The following WASL variants were observed in gnomAD, a reference collection of about 807,000 sequenced individuals.
The protein encoded by WASL is actin nucleation-promoting factor WASL.
WASL carries 20 observed loss-of-function variants against 55.5 expected under a neutral mutation model. That is an observed-to-expected ratio of 0.36 (90% CI 0.25 to 0.52). The LOEUF (loss-of-function observed/expected upper bound fraction) is 0.52. WASL is among the 20% of genes least tolerant of loss of function. The pLI, the probability that WASL is intolerant of heterozygous loss-of-function variation, is 0.92. For missense variants in WASL, 504 were observed against 622.5 expected (o/e 0.81, Z 2.03); for synonymous variants, 249 against 217.6 (o/e 1.14, Z -1.27).
At chr7:123,706,417 A>G (rs1803670022) in intron 3 of WASL, 44 bp from the exon 4 acceptor site, 1 of 1,536,512 alleles carries the variant, frequency 6.5e-7, no homozygotes, top group South Asian at 1.1e-5. Flanking sequence ...GAATGTATGA[A>G]TTTAGCTTTA....
chr7:123,731,633 T>C (rs1420125023), intron 1 of WASL, among the ~76,000 whole-genome samples: 6 of 152,150 alleles, frequency 3.9e-5, no homozygotes, highest in Non-Finnish European at 8.8e-5. Context: ...GGAATGAAAC[T>C]ATAAATCAGT....
chr7:123,719,119 C>T (rs1048969498), intron 1 of WASL, among the ~76,000 whole-genome samples: 1 of 152,154 alleles, frequency 6.6e-6, no homozygotes, highest in African/African-American at 2.4e-5. Context: ...CTCATCTGAC[C>T]TGGTTTATGA....
At position 123,692,877 on chromosome 7, in the gene WASL, A is replaced by C. The variant is rs781119212; in HGVS notation, c.827-10T>G. 1 of 1,349,674 alleles carries C rather than the reference A, an allele frequency of 7.4e-7. No homozygotes were observed. The highest frequency in any genetic ancestry group is 9.5e-7 in the Non-Finnish European group (1 of 1,047,334). 83.6% of individuals were successfully genotyped at this position (1,349,674 alleles called of 1,614,324 possible). A position where few individuals can be genotyped will look rare whatever the true frequency, so the allele number is the denominator to read the frequency against. ...GGTGGAGGTGGTGGTGCTGAAATGC[A>C]AACAGAAAAAAAGAAGGCATGCTTT... On this transcript the variant is annotated splice_polypyrimidine_tract_variant and intron_variant, in intron 8 of 10. Coordinates refer to ENST00000223023, the MANE Select transcript of WASL (RefSeq NM_003941.4).
intron 5 of WASL, among the ~76,000 whole-genome samples, chr7:123,700,079 G>C (rs1458560831): frequency 6.7e-6 from 1 of 149,480 alleles, no homozygotes; most frequent in African/African-American, 2.5e-5. Context: ...GGGAGGCTGA[G>C]GCAGGAGAAT....
At chr7:123,735,356 C>T (rs1319819343) in intron 1 of WASL, among the ~76,000 whole-genome samples, 1 of 140,660 alleles carries the variant, frequency 7.1e-6, no homozygotes, top group Non-Finnish European at 1.5e-5. Context: ...ATCTGGCATT[C>T]AATCAAAAGT....
intron 1 of WASL, among the ~76,000 whole-genome samples, chr7:123,734,693 A>G (rs548192671): frequency 6.6e-6 from 1 of 151,928 alleles, no homozygotes; most frequent in Admixed American, 6.6e-5. Context: ...CAGTTAAACT[A>G]TTCTGGTATG....
At chr7:123,715,735 C>T (rs2116797734) in intron 1 of WASL, among the ~76,000 whole-genome samples, 1 of 152,300 alleles carries the variant, frequency 6.6e-6, no homozygotes, top group African/African-American at 2.4e-5. Flanking sequence ...TCATTCACAA[C>T]CACACACCAA....
intron 1 of WASL, among the ~76,000 whole-genome samples, chr7:123,748,043 T>C: frequency 6.6e-6 from 1 of 151,962 alleles, no homozygotes; most frequent in East Asian, 1.9e-4. Flanking sequence ...GCTAGAGAAA[T>C]AAATCTTGTT....
intron 5 of WASL, 61 bp from the exon 6 acceptor site, chr7:123,696,808 T>A (rs888726350): frequency 8.9e-7 from 1 of 1,129,072 alleles, no homozygotes; most frequent in Non-Finnish European, 1.2e-6. Flanking sequence ...TATACAATCA[T>A]AATTTACAAT....
chr7:123,713,862 T>C (rs1229475226), intron 1 of WASL, among the ~76,000 whole-genome samples: 1 of 152,162 alleles, frequency 6.6e-6, no homozygotes, highest in Admixed American at 6.6e-5. Flanking sequence ...CAACCAAACG[T>C]GGATTGAAAA....
chr7:123,694,692 C>T (rs550919069), intron 8 of WASL, 23 bp downstream of exon 8: 51 of 1,609,432 alleles, frequency 3.2e-5, no homozygotes, highest in South Asian at 1.1e-4. Context: ...CAAAACAGAA[C>T]GCTGAATAGA....
chr7:123,687,371 C>CT (rs1270372013), intron 10 of WASL, among the ~76,000 whole-genome samples: 8 of 152,118 alleles, frequency 5.3e-5, no homozygotes. Flanking sequence ...CCTCCTACTA[C>CT]TTCTTGTATT....
intron 1 of WASL, among the ~76,000 whole-genome samples, chr7:123,709,434 C>A (rs1207301996): frequency 6.6e-6 from 1 of 152,146 alleles, no homozygotes; most frequent in African/African-American, 2.4e-5. Context: ...ATACAATAAT[C>A]ACATAACAAT....
At chr7:123,697,959 T>C (rs1803517809) in intron 5 of WASL, among the ~76,000 whole-genome samples, 1 of 152,180 alleles carries the variant, frequency 6.6e-6, no homozygotes, top group Non-Finnish European at 1.5e-5. Context: ...AAGCTTTTCC[T>C]TTAGACAACA....
intron 1 of WASL, among the ~76,000 whole-genome samples, chr7:123,743,723 A>C (rs1804386137): frequency 6.6e-6 from 1 of 152,180 alleles, no homozygotes; most frequent in African/African-American, 2.4e-5. Context: ...CATGGACTCT[A>C]AGTATTTTCC....
chr7:123,687,895 A>G (rs1337539906), intron 10 of WASL, among the ~76,000 whole-genome samples: 1 of 152,188 alleles, frequency 6.6e-6, no homozygotes, highest in East Asian at 1.9e-4. Flanking sequence ...ATCCTTACAG[A>G]GAAACAAAAG....
At chr7:123,727,759 A>C (rs929766205) in intron 1 of WASL, among the ~76,000 whole-genome samples, 13 of 152,206 alleles carry the variant, frequency 8.5e-5, no homozygotes, top group Non-Finnish European at 1.3e-4. Context: ...ACTCTGTATC[A>C]TTTGTCAAAA....
intron 1 of WASL, among the ~76,000 whole-genome samples, chr7:123,714,136 TTAAAG>T (rs1803801297): frequency 6.6e-6 from 1 of 152,130 alleles, no homozygotes; most frequent in Non-Finnish European, 1.5e-5. Flanking sequence ...TTCTAAATAA[TTAAAG>T]TAGCAACACC....
intron 1 of WASL, among the ~76,000 whole-genome samples, chr7:123,717,583 T>G (rs546417748): frequency 6.6e-6 from 1 of 152,212 alleles, no homozygotes; most frequent in Non-Finnish European, 1.5e-5. Flanking sequence ...ATGATCCAAC[T>G]ACATGGACAC....
Sources: allele counts gnomAD v4.1 joint callset (sites outside exome capture counted in the v4.1 genomes callset), GRCh38; gene constraint gnomAD v4.1.1; transcripts MANE v1.5; gene names NCBI Gene and HGNC (gene_info 2026-07-23, HGNC 2026-07-21).